Variants in KDM7A observed in about 807,000 individuals in gnomAD.
The protein encoded by KDM7A is lysine-specific demethylase 7A.
In KDM7A, 28 loss-of-function variants were observed where a neutral mutation model predicts 114.8. The observed-to-expected ratio is 0.24, with a 90% confidence interval of 0.18 to 0.33. The LOEUF (loss-of-function observed/expected upper bound fraction) is 0.33, where lower values mean the gene tolerates loss of function less well. KDM7A is among the 10% of genes least tolerant of loss of function. The probability of loss-of-function intolerance (pLI) is 1.00; values close to 1 mark genes in which losing one functional copy is unlikely to be tolerated. For synonymous variants in KDM7A, 423 were observed against 397.8 expected, an observed-to-expected ratio of 1.06 and a Z score of -0.75; for missense variants, 942 against 1,142.5, an observed-to-expected ratio of 0.82 and a Z score of 2.53.
intron 17 of KDM7A, chr7:140,095,723 A>G: frequency 4.8e-6 from 1 of 209,804 alleles, no homozygotes; most frequent in South Asian, 4.7e-5. Context: ...TACAAAAAAT[A>G]AAAAAATTAG....
intron 7 of KDM7A, among the ~76,000 whole-genome samples, chr7:140,122,606 T>C (rs1463713305): frequency 6.6e-6 from 1 of 152,208 alleles, no homozygotes; most frequent in Non-Finnish European, 1.5e-5. Context: ...CCCTGTGAAC[T>C]TTACAGTCAT....
At position 140,085,188 on chromosome 7, in the gene KDM7A, T is replaced by C. The variant is rs1335790969; in HGVS notation, c.*5906A>G. ...ACATGTCACACACATTGACTGCCTATACAAACAAGACGAGACGCTATTCCG... is the reference window on the plus strand; with the variant it reads ...ACATGTCACACACATTGACTGCCTACACAAACAAGACGAGACGCTATTCCG... On this transcript the variant is annotated 3_prime_UTR_variant, in exon 20 of 20. Coordinates refer to ENST00000397560, the MANE Select transcript of KDM7A (RefSeq NM_030647.2). 1.3e-5 allele frequency: 2 copies of C among 151,998 alleles called. No individual in the cohort carries two copies. Among genetic ancestry groups the C allele is most frequent in the East Asian group, 3.9e-4 (2 of 5,190 alleles). The allele number at this position is 151,998 out of a possible 1,614,324, so 9.4% of individuals were successfully genotyped here.
intron 11 of KDM7A, among the ~76,000 whole-genome samples, chr7:140,109,968 T>A (rs1818405646): frequency 6.6e-6 from 1 of 152,194 alleles, no homozygotes; most frequent in Non-Finnish European, 1.5e-5. Context: ...GATTGCCAGA[T>A]AAAATAACAG....
rs1038576538 is a variant in KDM7A at position 140,085,938 on chromosome 7, G to A, written c.*5156C>T. The A allele has an allele frequency of 2.0e-5, 3 of 152,166 alleles. No individual in the cohort carries two copies. The highest frequency in any genetic ancestry group is 7.2e-5 in the African/African-American group (3 of 41,450). The allele number at this position is 152,166 out of a possible 1,614,324, so 9.4% of individuals were successfully genotyped here. ...ACCAAAATACACCAAAGAAATATGA[G>A]AGTATGTCTGGGTTATTTTATGCCT... On this transcript the variant is annotated 3_prime_UTR_variant, in exon 20 of 20. Transcript: ENST00000397560.
intron 1 of KDM7A, among the ~76,000 whole-genome samples, chr7:140,170,218 A>G (rs1466777538): frequency 6.6e-6 from 1 of 152,168 alleles, no homozygotes; most frequent in Non-Finnish European, 1.5e-5. Context: ...GAGTTAAATT[A>G]TAAAACTTTT....
At chr7:140,162,996 CTT>C (rs531552532) in intron 1 of KDM7A, among the ~76,000 whole-genome samples, 30 of 137,564 alleles carry the variant, frequency 2.2e-4, no homozygotes, top group Non-Finnish European at 2.1e-4. Context: ...CTTTTCTTTC[CTT>C]TTTTTTTTTT....
In KDM7A at chr7:140,085,296, G is replaced by T. The variant is rs1162349977; in HGVS notation, c.*5798C>A. The T allele has an allele frequency of 6.6e-6, 1 of 152,128 alleles. No homozygotes were observed. The highest frequency in any genetic ancestry group is 6.5e-5 in the Admixed American group (1 of 15,272). The allele number at this position is 152,128 out of a possible 1,614,324, so 9.4% of individuals were successfully genotyped here. On this transcript the variant is annotated 3_prime_UTR_variant, in exon 20 of 20. Coordinates refer to ENST00000397560, the MANE Select transcript of KDM7A (RefSeq NM_030647.2). ...GAAAAGTCAGTCAGGCTAGCAAAAC[G>T]TTACTACAAAACTAGTAAATACCAG...
At chr7:140,093,963 G>T in intron 18 of KDM7A, 93 bp downstream of exon 18, 1 of 806,638 alleles carries the variant, frequency 1.2e-6, no homozygotes, top group Non-Finnish European at 2.2e-6. Context: ...TCTAGCAGTT[G>T]ATAACTGGTT....
At chr7:140,157,992 A>AAATAAAT (rs1554401223) in intron 1 of KDM7A, among the ~76,000 whole-genome samples, 285 of 146,430 alleles carry the variant, frequency 1.9e-3, no homozygotes, top group African/African-American at 6.3e-3. Context: ...ATAAATAAAT[A>AAATAAAT]AATAATAATA....
At chr7:140,103,566 G>C (rs755358646) in intron 11 of KDM7A, among the ~76,000 whole-genome samples, 2 of 151,910 alleles carry the variant, frequency 1.3e-5, no homozygotes, top group Non-Finnish European at 2.9e-5. Flanking sequence ...GCGGTGTTTG[G>C]TTTTTTGTCC....
intron 3 of KDM7A, 34 bp downstream of exon 3, chr7:140,133,505 T>G: frequency 8.2e-7 from 1 of 1,216,572 alleles, no homozygotes; most frequent in Non-Finnish European, 1.2e-6. Context: ...TCTTACATTC[T>G]TACATTTTCT....
intron 1 of KDM7A, among the ~76,000 whole-genome samples, chr7:140,154,969 T>G (rs1168646830): frequency 6.6e-6 from 1 of 152,164 alleles, no homozygotes; most frequent in Non-Finnish European, 1.5e-5. Context: ...ACCAAGTGTA[T>G]AGTAAAACCA....
intron 1 of KDM7A, among the ~76,000 whole-genome samples, chr7:140,156,113 G>A (rs900802884): frequency 6.6e-6 from 1 of 152,168 alleles, no homozygotes; most frequent in Non-Finnish European, 1.5e-5. Context: ...GGATTCTAAA[G>A]GAAGGGAGAA....
intron 1 of KDM7A, among the ~76,000 whole-genome samples, chr7:140,162,102 G>A (rs901994527): frequency 4.6e-5 from 7 of 152,064 alleles, no homozygotes; most frequent in Admixed American, 6.6e-5. Context: ...TTGGGAGGCC[G>A]AGGCAGACGG....
chr7:140,149,892 T>A (rs985518641), intron 1 of KDM7A, among the ~76,000 whole-genome samples: 1 of 152,232 alleles, frequency 6.6e-6, no homozygotes. Flanking sequence ...ATCTGTAATA[T>A]ATATCTGAAG....
chr7:140,135,395 G>A (rs905412229), intron 2 of KDM7A, among the ~76,000 whole-genome samples: 1 of 151,982 alleles, frequency 6.6e-6, no homozygotes, highest in Non-Finnish European at 1.5e-5. Context: ...TAGAGATGGG[G>A]TTTCACCATG....
rs751930966 is a variant in KDM7A, at chr7:140,129,663, A to C, written c.399-10T>G. 6.3e-7 allele frequency: 1 copy of C among 1,581,150 alleles called. No homozygotes were observed. The highest frequency in any genetic ancestry group is 1.1e-5 in the South Asian group (1 of 89,782). On this transcript the variant is annotated splice_polypyrimidine_tract_variant and intron_variant, in intron 3 of 19. Coordinates refer to ENST00000397560, the MANE Select transcript of KDM7A (RefSeq NM_030647.2). Reference sequence around the variant, plus strand: ...AATTATTTCATCGGCACTAAGGAAAAACATAAGAATAAAAATGTCATTTTT... The same window carrying C: ...AATTATTTCATCGGCACTAAGGAAACACATAAGAATAAAAATGTCATTTTT...
intron 1 of KDM7A, among the ~76,000 whole-genome samples, chr7:140,140,003 A>G (rs1323816489): frequency 1.3e-5 from 2 of 152,208 alleles, no homozygotes; most frequent in African/African-American, 4.8e-5. Context: ...AAATTGACCC[A>G]CAAACAAGAC....
chr7:140,172,922 C>T (rs1794662367), intron 1 of KDM7A, among the ~76,000 whole-genome samples: 1 of 152,100 alleles, frequency 6.6e-6, no homozygotes, highest in African/African-American at 2.4e-5. Flanking sequence ...CTTTCATATT[C>T]TTTATACTTT....
Sources: gnomAD v4.1 joint callset for allele counts (sites outside exome capture counted in the v4.1 genomes callset) on GRCh38, gnomAD v4.1.1 for gene constraint, MANE v1.5 for transcripts, NCBI Gene and HGNC (gene_info 2026-07-23, HGNC 2026-07-21) for gene names.